PELI2: variants seen among roughly 807,000 people sequenced by gnomAD.
PELI2 encodes E3 ubiquitin-protein ligase pellino homolog 2.
PELI2 carries 23 observed loss-of-function variants against 42.3 expected under a neutral mutation model. The ratio of observed to expected loss-of-function variants is 0.54; its 90% CI spans 0.39 to 0.77. PELI2 has a LOEUF of 0.77. Among genes scored for constraint, PELI2 ranks in the 30% least tolerant of loss-of-function variants. The pLI is 0.00. For synonymous variants in PELI2, 245 were observed against 212.2 expected (o/e 1.15, Z -1.34); for missense variants, 463 against 553.2 (o/e 0.84, Z 1.64).
At chr14:56,178,213 G>C (rs1885452304) in intron 1 of PELI2, 122 bp from the exon 2 acceptor site, 1 of 906,506 alleles carries the variant, frequency 1.1e-6, no homozygotes, top group Admixed American at 2.5e-5. Context: ...CTTTTGTGGA[G>C]TGTTTAGTGG....
chr14:56,263,626 A>C (rs1888800126), intron 2 of PELI2, among the ~76,000 whole-genome samples: 1 of 152,170 alleles, frequency 6.6e-6, no homozygotes, highest in Admixed American at 6.5e-5. Flanking sequence ...GGAGACAAAA[A>C]TTATCACTTA....
At chr14:56,200,566 T>C (rs1022587723) in intron 2 of PELI2, among the ~76,000 whole-genome samples, 1 of 152,204 alleles carries the variant, frequency 6.6e-6, no homozygotes, top group African/African-American at 2.4e-5. Context: ...GAAATCTCAC[T>C]AAAGGGCTGG....
intron 2 of PELI2, among the ~76,000 whole-genome samples, chr14:56,243,150 C>A (rs561067711): frequency 6.6e-6 from 1 of 152,124 alleles, no homozygotes; most frequent in East Asian, 1.9e-4. Context: ...CAGAGAACAA[C>A]AACAGAAAAA....
chr14:56,206,666 G>A (rs571122702), intron 2 of PELI2, among the ~76,000 whole-genome samples: 1 of 152,058 alleles, frequency 6.6e-6, no homozygotes, highest in African/African-American at 2.4e-5. Flanking sequence ...TCACCAGCCC[G>A]TGCAGTATTC....
intron 3 of PELI2, among the ~76,000 whole-genome samples, chr14:56,285,824 G>A (rs1205208914): frequency 6.6e-6 from 1 of 152,124 alleles, no homozygotes; most frequent in African/African-American, 2.4e-5. Context: ...AACAGGGCTG[G>A]AGCCTGGGGC....
intron 2 of PELI2, among the ~76,000 whole-genome samples, chr14:56,200,838 C>T (rs1886309610): frequency 6.6e-6 from 1 of 152,144 alleles, no homozygotes; most frequent in African/African-American, 2.4e-5. Context: ...GCATTTCAAA[C>T]AAACATTCTG....
intron 1 of PELI2, among the ~76,000 whole-genome samples, chr14:56,165,133 G>GT (rs574146304): frequency 6.6e-6 from 1 of 151,726 alleles, no homozygotes; most frequent in Non-Finnish European, 1.5e-5. Flanking sequence ...TTCATTTGAA[G>GT]TTTTTTCTCT....
intron 2 of PELI2, among the ~76,000 whole-genome samples, chr14:56,238,689 A>G (rs1241094290): frequency 1.3e-5 from 2 of 152,190 alleles, no homozygotes; most frequent in East Asian, 1.9e-4. Context: ...ATTTGGAGTA[A>G]AATTAATTCA....
chr14:56,140,951 A>G (rs571339476), intron 1 of PELI2, among the ~76,000 whole-genome samples: 48 of 152,242 alleles, frequency 3.2e-4, no homozygotes, highest in African/African-American at 1.1e-3. Flanking sequence ...GCAGCTGAAC[A>G]TTGATTTCTA....
At chr14:56,284,909 T>TC (rs2139885322) in intron 3 of PELI2, among the ~76,000 whole-genome samples, 3 of 152,160 alleles carry the variant, frequency 2.0e-5, no homozygotes, top group African/African-American at 7.2e-5. Flanking sequence ...GCGCAAAGGC[T>TC]CCAAGTCAAG....
intron 2 of PELI2, among the ~76,000 whole-genome samples, chr14:56,184,868 A>G (rs778321224): frequency 6.6e-6 from 1 of 152,090 alleles, no homozygotes; most frequent in Non-Finnish European, 1.5e-5. Context: ...CTTGTGACAG[A>G]TACATCAAAT....
intron 2 of PELI2, among the ~76,000 whole-genome samples, chr14:56,235,432 A>G (rs1462843336): frequency 2.0e-5 from 3 of 152,206 alleles, no homozygotes; most frequent in African/African-American, 7.2e-5. Flanking sequence ...ACTCCCGTGA[A>G]CTCCAGTTGA....
At chr14:56,194,674 T>C (rs1222084119) in intron 2 of PELI2, among the ~76,000 whole-genome samples, 1 of 152,214 alleles carries the variant, frequency 6.6e-6, no homozygotes, top group African/African-American at 2.4e-5. Flanking sequence ...TTCACCCCGC[T>C]GAAAAGCTTG....
Position 56,188,993 on chromosome 14 carries a change from C to T in PELI2, c.207+10529C>T, listed in dbSNP as rs999288179. Among the ~76,000 whole-genome samples, 7 of 152,224 alleles carry T rather than the reference C, an allele frequency of 4.6e-5. No individual in the cohort carries two copies. In the East Asian group the frequency reaches 1.4e-3, roughly 29 times the overall value. ...TGACCAATATGGTGAAACCCCGTCT[C>T]TACTAAAAATAGAAAAATCAGCCGG... On this transcript the variant is annotated intron_variant, in intron 2 of 5. Coordinates refer to ENST00000267460, the MANE Select transcript of PELI2 (RefSeq NM_021255.3).
chr14:56,156,877 A>G (rs1884586364), intron 1 of PELI2, among the ~76,000 whole-genome samples: 3 of 152,182 alleles, frequency 2.0e-5, no homozygotes, highest in Non-Finnish European at 4.4e-5. Flanking sequence ...TAAGGCTGCA[A>G]ATTACCCAAG....
At position 56,299,218 on chromosome 14, in the gene PELI2, A is replaced by G. The variant is rs1055789051; in HGVS notation, c.*2052A>G. 1 of 152,104 alleles carries G rather than the reference A, an allele frequency of 6.6e-6. No homozygotes were observed. The highest frequency in any genetic ancestry group is 1.5e-5 in the Non-Finnish European group (1 of 68,024). The allele number at this position is 152,104 out of a possible 1,614,324, so 9.4% of individuals were successfully genotyped here. On this transcript the variant is annotated 3_prime_UTR_variant, in exon 6 of 6. Transcript: ENST00000267460. Reference sequence around the variant, plus strand: ...ATTTTACCTACCAAGAAAAAAAGATATTTTTCCAGAGAGTTAGGTATATCA... The same window carrying G: ...ATTTTACCTACCAAGAAAAAAAGATGTTTTTCCAGAGAGTTAGGTATATCA...
At chr14:56,296,217 C>G (rs564422754) in intron 5 of PELI2, among the ~76,000 whole-genome samples, 1 of 152,308 alleles carries the variant, frequency 6.6e-6, no homozygotes, top group East Asian at 1.9e-4. Flanking sequence ...GGATGAGTCT[C>G]CACTGGATGG....
Position 56,197,940 on chromosome 14 carries a change from CA to C in PELI2, c.207+19477del, listed in dbSNP as rs1886186217. On this transcript the variant is annotated intron_variant, in intron 2 of 5. Coordinates refer to ENST00000267460, the MANE Select transcript of PELI2 (RefSeq NM_021255.3). The surrounding 1 kb of genome is among the most constrained non-coding windows in gnomAD (Gnocchi z 4.9). The stretch of plus-strand genomic sequence containing the variant: ...AGACACACACACACACACACACACA[CA>C]CACACACCAGGGATCATGACTGGTG... Among the ~76,000 whole-genome samples, 2 of 148,900 alleles carry C rather than the reference CA, an allele frequency of 1.3e-5. No homozygotes were observed. The highest frequency in any genetic ancestry group is 5.0e-5 in the African/African-American group (2 of 40,240).
At chr14:56,255,612 A>G (rs1208370990) in intron 2 of PELI2, among the ~76,000 whole-genome samples, 2 of 152,202 alleles carry the variant, frequency 1.3e-5, no homozygotes, top group Non-Finnish European at 2.9e-5. Flanking sequence ...GTGCACATGT[A>G]TCCCAGAACC....
Sources: gnomAD v4.1 joint callset for allele counts (sites outside exome capture counted in the v4.1 genomes callset) on GRCh38, gnomAD v4.1.1 for gene constraint, Gnocchi (gnomAD v3.1) non-coding constraint, MANE v1.5 for transcripts, NCBI Gene and HGNC (gene_info 2026-07-23, HGNC 2026-07-21) for gene names.